The following CBFB variants were observed in gnomAD, a reference collection of about 807,000 sequenced individuals.
CBFB encodes the protein core-binding factor subunit beta.
CBFB carries 9 observed loss-of-function variants against 30.4 expected under a neutral mutation model. The ratio of observed to expected loss-of-function variants is 0.30; its 90% CI spans 0.18 to 0.52. The LOEUF is 0.52. Among genes scored for constraint, CBFB ranks in the 20% least tolerant of loss-of-function variants. The pLI, the probability that CBFB is intolerant of heterozygous loss-of-function variation, is 0.97. For synonymous variants in CBFB, 94 were observed against 84.0 expected, an observed-to-expected ratio of 1.12 and a Z score of -0.65; for missense variants, 170 against 244.0, an observed-to-expected ratio of 0.70 and a Z score of 2.02.
At position 67,062,108 on chromosome 16, in the gene CBFB, A is replaced by G. The variant is rs575092826; in HGVS notation, c.283-4574A>G. Among the ~76,000 whole-genome samples, 7 of 152,328 alleles carry G rather than the reference A, an allele frequency of 4.6e-5. No individual in the cohort carries two copies. In the East Asian group the frequency reaches 1.3e-3, roughly 29 times the overall value. ...AAACAGATCATTGGTTTTCTTTGTC[A>G]TGAAAGAACATTTATAAATAAGTAA... On this transcript the variant is annotated intron_variant, in intron 3 of 5. Transcript: ENST00000412916.
At chr16:67,044,304 T>C (rs1966584311) in intron 3 of CBFB, among the ~76,000 whole-genome samples, 1 of 152,206 alleles carries the variant, frequency 6.6e-6, no homozygotes, top group Non-Finnish European at 1.5e-5. Flanking sequence ...AACTTTACAG[T>C]GCTACTGTTC....
intron 3 of CBFB, among the ~76,000 whole-genome samples, chr16:67,056,222 T>C (rs966002865): frequency 6.6e-6 from 1 of 152,234 alleles, no homozygotes; most frequent in Non-Finnish European, 1.5e-5. Context: ...ATTCCTTAAA[T>C]GCAAGAAGGC....
intron 2 of CBFB, among the ~76,000 whole-genome samples, chr16:67,032,611 C>T (rs1966371030): frequency 6.6e-6 from 1 of 152,180 alleles, no homozygotes; most frequent in East Asian, 1.9e-4. Flanking sequence ...GTATAAACCC[C>T]TCTGGATACA....
chr16:67,070,472 C>T, intron 4 of CBFB, among the ~76,000 whole-genome samples: 1 of 152,212 alleles, frequency 6.6e-6, no homozygotes, highest in East Asian at 1.9e-4. Flanking sequence ...AACCAGCAAT[C>T]TAAAAGTCTA....
chr16:67,092,696 ATCTTTTTTTTTTTTTTTTTTTTT>A (rs1961925469), intron 5 of CBFB, among the ~76,000 whole-genome samples: 1 of 94,664 alleles, frequency 1.1e-5, no homozygotes, highest in Non-Finnish European at 1.9e-5. Flanking sequence ...CAGTGGTGCA[ATCTTTTTTTTTTTTTTTTTTTTT>A]TTTTTTTTTT....
intron 3 of CBFB, among the ~76,000 whole-genome samples, chr16:67,044,515 A>G (rs560982841): frequency 6.6e-6 from 1 of 152,270 alleles, no homozygotes; most frequent in African/African-American, 2.4e-5. Context: ...AAAAATTTTG[A>G]TAAGTTGTAT....
chr16:67,053,248 C>CTTTT (rs576629599), intron 3 of CBFB, among the ~76,000 whole-genome samples: 25 of 122,724 alleles, frequency 2.0e-4, no homozygotes, highest in African/African-American at 2.2e-4. Context: ...CACTTTCTCT[C>CTTTT]TTTTTTTTTT....
chr16:67,041,768 CTT>C (rs140180530), intron 3 of CBFB, among the ~76,000 whole-genome samples: 7 of 98,882 alleles, frequency 7.1e-5, no homozygotes, highest in Non-Finnish European at 8.3e-5. Flanking sequence ...TGTTTCTTTA[CTT>C]TTTTTTTTTT....
At chr16:67,048,781 T>C (rs1440390247) in intron 3 of CBFB, among the ~76,000 whole-genome samples, 1 of 151,354 alleles carries the variant, frequency 6.6e-6, no homozygotes, top group African/African-American at 2.4e-5. Flanking sequence ...TCTCGATCTC[T>C]TGACCTTGTG....
At chr16:67,052,770 C>T (rs1450249520) in intron 3 of CBFB, among the ~76,000 whole-genome samples, 1 of 151,564 alleles carries the variant, frequency 6.6e-6, no homozygotes, top group African/African-American at 2.4e-5. Context: ...CAGACCAGCC[C>T]GGGCAACAAA....
chr16:67,063,141 G>A (rs1960957569), intron 3 of CBFB, among the ~76,000 whole-genome samples: 1 of 152,158 alleles, frequency 6.6e-6, no homozygotes, highest in Non-Finnish European at 1.5e-5. Flanking sequence ...TTGAGCAGAG[G>A]TCGGCATAGT....
chr16:67,036,257 T>C (rs1368089122), intron 2 of CBFB, among the ~76,000 whole-genome samples: 1 of 152,196 alleles, frequency 6.6e-6, no homozygotes, highest in Non-Finnish European at 1.5e-5. Context: ...AATTGTGGTA[T>C]TCTTTAAAAT....
At chr16:67,094,591 G>A (rs1450582151) in intron 5 of CBFB, among the ~76,000 whole-genome samples, 2 of 151,996 alleles carry the variant, frequency 1.3e-5, no homozygotes, top group Admixed American at 1.3e-4. Flanking sequence ...AAGTATTATT[G>A]GTAGGTTAGT....
At chr16:67,040,644 G>T (rs149662601) in intron 3 of CBFB, among the ~76,000 whole-genome samples, 21 of 152,218 alleles carry the variant, frequency 1.4e-4, no homozygotes, top group African/African-American at 5.1e-4. Flanking sequence ...ATTGTCCTAG[G>T]TATTTGAGAT....
chr16:67,033,990 G>A (rs893209340), intron 2 of CBFB, among the ~76,000 whole-genome samples: 12 of 151,730 alleles, frequency 7.9e-5, no homozygotes, highest in African/African-American at 2.2e-4. Flanking sequence ...CACCACACCC[G>A]GCTAATTTTT....
intron 5 of CBFB, among the ~76,000 whole-genome samples, chr16:67,087,338 T>G (rs1292054641): frequency 6.6e-6 from 1 of 152,182 alleles, no homozygotes; most frequent in Non-Finnish European, 1.5e-5. Context: ...GGAGGATTGC[T>G]TGAGCCCAGG....
intron 3 of CBFB, among the ~76,000 whole-genome samples, chr16:67,041,972 G>A (rs1419743373): frequency 4.0e-5 from 6 of 149,588 alleles, no homozygotes; most frequent in Admixed American, 2.7e-4. Context: ...CAGTGGCGCC[G>A]TCATGGCTCA....
chr16:67,069,196 A>G (rs1339348697), intron 4 of CBFB, among the ~76,000 whole-genome samples: 3 of 151,876 alleles, frequency 2.0e-5, no homozygotes, highest in Admixed American at 1.3e-4. Flanking sequence ...CCTGGGCAAC[A>G]AGAGCGAAAC....
At chr16:67,043,624 C>G (rs1966571489) in intron 3 of CBFB, among the ~76,000 whole-genome samples, 1 of 152,152 alleles carries the variant, frequency 6.6e-6, no homozygotes. Context: ...AGAAAGAGCT[C>G]TAGATTTGAG....
Sources: allele counts gnomAD v4.1 joint callset (sites outside exome capture counted in the v4.1 genomes callset), GRCh38; gene constraint gnomAD v4.1.1; transcripts MANE v1.5; gene names NCBI Gene and HGNC (gene_info 2026-07-23, HGNC 2026-07-21).